Variants in TENM3 observed in about 807,000 individuals in gnomAD.
TENM3 encodes teneurin transmembrane protein 3, also known as teneurin-3.
TENM3 carries 63 observed loss-of-function variants against 255.1 expected under a neutral mutation model. The observed-to-expected ratio is 0.25, with a 90% confidence interval of 0.20 to 0.30. The LOEUF (loss-of-function observed/expected upper bound fraction) is 0.30. Ranked by LOEUF, TENM3 falls within the 10% of genes least tolerant of loss-of-function variation. TENM3 has a pLI of 1.00. For synonymous variants in TENM3, 1,306 were observed against 1,322.3 expected, an observed-to-expected ratio of 0.99 and a Z score of 0.27; for missense variants, 2,929 against 3,461.1, an observed-to-expected ratio of 0.85 and a Z score of 3.86.
chr4:182,249,126 C>CA (rs1295389369), intron 1 of TENM3, among the ~76,000 whole-genome samples: 2 of 152,186 alleles, frequency 1.3e-5, no homozygotes, highest in Non-Finnish European at 2.9e-5. Context: ...GCCAGAGCTG[C>CA]ATAGCTAATA....
the TENM3 span, among the ~76,000 whole-genome samples, chr4:182,117,654 A>G: frequency 6.6e-6 from 1 of 152,182 alleles, no homozygotes; most frequent in African/African-American, 2.4e-5. Flanking sequence ...CCATAGATAT[A>G]TTTGTCTATT....
chr4:182,059,663 C>A, the TENM3 span, among the ~76,000 whole-genome samples: 3 of 143,480 alleles, frequency 2.1e-5, no homozygotes, highest in African/African-American at 7.6e-5. Flanking sequence ...AATCCCAACA[C>A]TTTGGGAGGC....
At chr4:182,048,583 A>T in the TENM3 span, among the ~76,000 whole-genome samples, 10 of 152,338 alleles carry the variant, frequency 6.6e-5, no homozygotes, top group African/African-American at 2.4e-4. Flanking sequence ...CACAAAGGTG[A>T]CTTCAATCGA....
the TENM3 span, among the ~76,000 whole-genome samples, chr4:181,580,074 C>T: frequency 1.5e-3 from 228 of 151,616 alleles, no homozygotes; most frequent in African/African-American, 5.3e-3. Flanking sequence ...CTCAACTCAC[C>T]GCAACCTCCC....
the TENM3 span, among the ~76,000 whole-genome samples, chr4:181,962,383 G>A: frequency 1.3e-5 from 2 of 152,150 alleles, no homozygotes; most frequent in African/African-American, 4.8e-5. Context: ...CTGTAACTCA[G>A]GGTCTGCCCT....
chr4:181,741,828 T>G, the TENM3 span, among the ~76,000 whole-genome samples: 1 of 152,148 alleles, frequency 6.6e-6, no homozygotes, highest in African/African-American at 2.4e-5. Context: ...GACTACCAGA[T>G]CCAAGTTTTC....
chr4:181,669,579 G>A, the TENM3 span, among the ~76,000 whole-genome samples: 12 of 152,050 alleles, frequency 7.9e-5, no homozygotes, highest in East Asian at 3.9e-4. Context: ...TTCCCTCCTC[G>A]GTAATTTCCC....
At chr4:182,376,202 C>T (rs1168900144) in intron 3 of TENM3, among the ~76,000 whole-genome samples, 1 of 152,172 alleles carries the variant, frequency 6.6e-6, no homozygotes, top group African/African-American at 2.4e-5. Context: ...TTGTAGAATA[C>T]TGTAAGGGGA....
chr4:182,156,655 C>G (rs1750725490), intron 1 of TENM3, among the ~76,000 whole-genome samples: 1 of 151,300 alleles, frequency 6.6e-6, no homozygotes, highest in South Asian at 2.1e-4. Context: ...ACGTATTAAA[C>G]CCTTACATTT....
Position 182,776,903 on chromosome 4 carries a change from A to G in TENM3, c.5304+1750A>G, listed in dbSNP as rs369708510. On this transcript the variant is annotated intron_variant, in intron 24 of 27. Coordinates refer to ENST00000511685, the MANE Select transcript of TENM3 (RefSeq NM_001080477.4). ...GCCATCCCACTGAAAGGAGATTTCCAGCTGATATGTTTGATTGCTCTCGGA... is the reference window on the plus strand; with the variant it reads ...GCCATCCCACTGAAAGGAGATTTCCGGCTGATATGTTTGATTGCTCTCGGA... 8.5e-5 allele frequency among the ~76,000 whole-genome samples: 13 copies of G among 152,356 alleles called. 2 individuals are homozygous for G. Among genetic ancestry groups the G allele is most frequent in the African/African-American group, 3.1e-4 (13 of 41,588 alleles).
At chr4:182,740,878 A>C (rs1489452691) in intron 18 of TENM3, among the ~76,000 whole-genome samples, 3 of 152,198 alleles carry the variant, frequency 2.0e-5, no homozygotes, top group Non-Finnish European at 2.9e-5. Context: ...AATGTTCTAA[A>C]TTATAAAATA....
intron 3 of TENM3, among the ~76,000 whole-genome samples, chr4:182,385,851 G>T (rs960698318): frequency 2.6e-5 from 4 of 152,138 alleles, no homozygotes; most frequent in South Asian, 2.1e-4. Flanking sequence ...TTTCTTGGAA[G>T]AATACATTGC....
intron 22 of TENM3, among the ~76,000 whole-genome samples, chr4:182,764,736 C>T (rs1763531016): frequency 6.6e-6 from 1 of 152,116 alleles, no homozygotes; most frequent in Non-Finnish European, 1.5e-5. Flanking sequence ...GAGATGGTGC[C>T]TCTGCGCAAG....
chr4:181,863,945 T>C, the TENM3 span, among the ~76,000 whole-genome samples: 1 of 152,160 alleles, frequency 6.6e-6, no homozygotes. Flanking sequence ...TGTTAATTCA[T>C]GTCAGTTTGC....
At chr4:182,283,405 A>G (rs80251171) in intron 1 of TENM3, among the ~76,000 whole-genome samples, 10,502 of 152,290 alleles carry the variant, frequency 0.069, 456 homozygotes, top group Middle Eastern at 0.12. Context: ...GTCATTCTGC[A>G]TAGTCCCAGA....
chr4:181,577,171 T>TAA, the TENM3 span, among the ~76,000 whole-genome samples: 1 of 132,210 alleles, frequency 7.6e-6, no homozygotes, highest in Non-Finnish European at 1.6e-5. Flanking sequence ...ATAATATATA[T>TAA]TATATTATAT....
the TENM3 span, among the ~76,000 whole-genome samples, chr4:182,026,306 T>A: frequency 4.0e-5 from 6 of 150,924 alleles, no homozygotes; most frequent in Non-Finnish European, 7.3e-5. Context: ...TTTAATTGGA[T>A]TGTTAGATTT....
chr4:182,464,530 T>C (rs1379545945), intron 3 of TENM3, among the ~76,000 whole-genome samples: 1 of 152,208 alleles, frequency 6.6e-6, no homozygotes, highest in African/African-American at 2.4e-5. Context: ...GTGCTGGGAT[T>C]ACAGGCGTGA....
chr4:181,833,918 A>G, the TENM3 span, among the ~76,000 whole-genome samples: 1 of 152,144 alleles, frequency 6.6e-6, no homozygotes, highest in African/African-American at 2.4e-5. Flanking sequence ...TTGAGAACTT[A>G]TTAAATCTTG....
Sources: allele counts gnomAD v4.1 joint callset (sites outside exome capture counted in the v4.1 genomes callset), GRCh38; gene constraint gnomAD v4.1.1; transcripts MANE v1.5; gene names NCBI Gene and HGNC (gene_info 2026-07-23, HGNC 2026-07-21).